AMMECR1: variants seen among roughly 807,000 people sequenced by gnomAD.
AMMECR1 encodes AMMECR nuclear protein 1, also known as nuclear protein AMMECR1.
In AMMECR1, 3 loss-of-function variants were observed where a neutral mutation model predicts 22.5. That is an observed-to-expected ratio of 0.13 (90% CI 0.06 to 0.35). The LOEUF is 0.35. Among genes scored for constraint, AMMECR1 ranks in the 10% least tolerant of loss-of-function variants. AMMECR1 has a pLI of 1.00. For missense variants in AMMECR1, 235 were observed against 278.7 expected (o/e 0.84, Z 1.12); for synonymous variants, 130 against 116.7 (o/e 1.11, Z -0.74).
intron 2 of AMMECR1, among the ~76,000 whole-genome samples, chrX:110,362,205 G>C (rs1368897413): frequency 9.0e-6 from 1 of 111,444 alleles, no homozygotes; most frequent in African/African-American, 3.3e-5. Context: ...GCTTTGGATG[G>C]GTTTGCAGCA....
intron 3 of AMMECR1, among the ~76,000 whole-genome samples, chrX:110,208,854 T>C (rs1373380128): frequency 9.0e-6 from 1 of 111,570 alleles, no homozygotes; most frequent in Non-Finnish European, 1.9e-5. Context: ...TTCTCTGTAA[T>C]GATTAATTAT....
chrX:110,198,689 A>G, intron 5 of AMMECR1, 55 bp from the exon 6 acceptor site: 1 of 837,428 alleles, frequency 1.2e-6, no homozygotes, highest in Non-Finnish European at 1.8e-6. Context: ...GTGACATGCC[A>G]TTGTCACTGC....
rs774494023 is a variant in AMMECR1 at position 110,395,255 on chromosome X, GAT to G, written c.-148+31401_-148+31402del. 4.5e-5 allele frequency among the ~76,000 whole-genome samples: 5 copies of G among 111,973 alleles called. No individual in the cohort carries two copies. The East Asian group carries it at 1.4e-3, about 31-fold the overall frequency. ...CCTAACCTAGTGGGGAGATGAATCT[GAT>G]CTTTTGTCTCAAAGCCCACATTAAA... is the stretch of plus-strand genomic sequence containing the variant. On this transcript the variant is annotated intron_variant, in intron 2 of 7. Coordinates refer to the AMMECR1 transcript ENST00000372057.
At chrX:110,281,010 C>T (rs2067849585) in intron 1 of AMMECR1, among the ~76,000 whole-genome samples, 1 of 111,730 alleles carries the variant, frequency 9.0e-6, no homozygotes, top group South Asian at 3.7e-4. Context: ...TGCATTTTAC[C>T]AAATTGCTTT....
At position 110,195,105 on chromosome X, in the gene AMMECR1, A is replaced by T. The variant is rs1332448342; in HGVS notation, c.*3415T>A. 2.7e-5 allele frequency: 3 copies of T among 112,288 alleles called. No homozygotes were observed. The highest frequency in any genetic ancestry group is 9.7e-5 in the African/African-American group (3 of 30,892). 9.3% of individuals were successfully genotyped at this position (112,288 alleles called of 1,213,427 possible). A position where few individuals can be genotyped will look rare whatever the true frequency, so the allele number is the denominator to read the frequency against. The stretch of plus-strand genomic sequence containing the variant: ...GGGCTTCTTTGGTTTGATCTAACAC[A>T]CATAAGAGATGGAACCTATTCCAGA... On this transcript the variant is annotated 3_prime_UTR_variant, in exon 6 of 6. Coordinates refer to ENST00000262844, the MANE Select transcript of AMMECR1 (RefSeq NM_015365.3).
At chrX:110,243,384 G>C (rs1457924501) in intron 2 of AMMECR1, among the ~76,000 whole-genome samples, 1 of 112,110 alleles carries the variant, frequency 8.9e-6, no homozygotes, top group East Asian at 2.8e-4. Flanking sequence ...AACAACTCTT[G>C]TAAATTGGAA....
chrX:110,231,242 T>C (rs139878051), intron 2 of AMMECR1, among the ~76,000 whole-genome samples: 143 of 111,102 alleles, frequency 1.3e-3, no homozygotes, highest in African/African-American at 4.2e-3. Flanking sequence ...TTCACCAAGG[T>C]TGAAATGAAG....
intron 1 of AMMECR1, among the ~76,000 whole-genome samples, chrX:110,315,557 T>C (rs1272518548): frequency 8.9e-6 from 1 of 112,500 alleles, no homozygotes; most frequent in African/African-American, 3.2e-5. Context: ...GTGGCTACTG[T>C]TAAAATGATA....
chrX:110,364,219 C>A (rs964860493), intron 2 of AMMECR1, among the ~76,000 whole-genome samples: 7 of 111,699 alleles, frequency 6.3e-5, no homozygotes, highest in African/African-American at 2.0e-4. Flanking sequence ...TGTCTCTGTG[C>A]CCTGTCACTT....
At chrX:110,351,166 A>G (rs1437290191) in intron 2 of AMMECR1, among the ~76,000 whole-genome samples, 3 of 111,977 alleles carry the variant, frequency 2.7e-5, no homozygotes, top group Admixed American at 1.9e-4. Flanking sequence ...TTAAGACAGC[A>G]ATACTACTCT....
At chrX:110,354,108 G>T (rs2068221167) in intron 2 of AMMECR1, among the ~76,000 whole-genome samples, 1 of 111,807 alleles carries the variant, frequency 8.9e-6, no homozygotes, top group Non-Finnish European at 1.9e-5. Flanking sequence ...GTGATCTACA[G>T]ATTCAATGAA....
chrX:110,279,044 T>G (rs1346674627), intron 1 of AMMECR1, among the ~76,000 whole-genome samples: 1 of 111,877 alleles, frequency 8.9e-6, no homozygotes, highest in African/African-American at 3.3e-5. Context: ...GAAAACACAA[T>G]TTCCCACAGG....
chrX:110,431,908 T>C (rs751025929), intron 1 of AMMECR1, among the ~76,000 whole-genome samples: 2 of 111,222 alleles, frequency 1.8e-5, no homozygotes, highest in East Asian at 5.7e-4. Flanking sequence ...TAGGTGAGAG[T>C]TGACACTGTC....
chrX:110,289,838 C>T lies in AMMECR1; in HGVS notation c.474-25239G>A, dbSNP rs775143573. On this transcript the variant is annotated intron_variant, in intron 1 of 5. Transcript: ENST00000262844. ...ATCATGAAAACGCTCAAGAAAACAT[C>T]CTGCATGTTACAGCATTCTTATAAT... Among the ~76,000 whole-genome samples, 164 of 111,888 alleles carry T rather than the reference C, an allele frequency of 1.5e-3. 1 individual carries two copies. Among genetic ancestry groups the T allele is most frequent in the African/African-American group, 5.1e-3 (156 of 30,842 alleles).
intron 1 of AMMECR1, among the ~76,000 whole-genome samples, chrX:110,306,020 G>A (rs779998769): frequency 6.4e-5 from 7 of 109,917 alleles, no homozygotes; most frequent in East Asian, 2.9e-4. Context: ...GGTGGCTCAC[G>A]CCTGTAATCC....
intron 2 of AMMECR1, among the ~76,000 whole-genome samples, chrX:110,368,159 C>A (rs1303344561): frequency 9.1e-6 from 1 of 109,894 alleles, no homozygotes; most frequent in Non-Finnish European, 1.9e-5. Context: ...TATTTAGAAT[C>A]TGAACACTTC....
rs921720778 is a variant in AMMECR1, at chrX:110,392,893, G to A, written c.-148+33765C>T. ...TAAAAAGATTTGATGGTATGTATATGTGAGTTTGAGTGTTTGAGCTGGCGT... is the reference window on the plus strand; with the variant it reads ...TAAAAAGATTTGATGGTATGTATATATGAGTTTGAGTGTTTGAGCTGGCGT... On this transcript the variant is annotated intron_variant, in intron 2 of 7. Coordinates refer to the AMMECR1 transcript ENST00000372057. Among the ~76,000 whole-genome samples the A allele has an allele frequency of 6.2e-5, 7 of 112,270 alleles. No individual in the cohort carries two copies. In the East Asian group the frequency reaches 1.9e-3, roughly 31 times the overall value.
At chrX:110,302,158 G>GGTT (rs2067970470) in intron 1 of AMMECR1, among the ~76,000 whole-genome samples, 2 of 111,541 alleles carry the variant, frequency 1.8e-5, no homozygotes, top group South Asian at 7.5e-4. Context: ...AAGAGAAAAA[G>GGTT]ATACCTTCTT....
intron 2 of AMMECR1, among the ~76,000 whole-genome samples, chrX:110,423,663 A>G (rs765339385): frequency 2.1e-3 from 235 of 112,342 alleles, no homozygotes; most frequent in Non-Finnish European, 3.5e-3. Context: ...ACTATTCCAT[A>G]TGTGTCAGGC....
Sources: allele counts gnomAD v4.1 joint callset (sites outside exome capture counted in the v4.1 genomes callset), GRCh38; gene constraint gnomAD v4.1.1; transcripts MANE v1.5; gene names NCBI Gene and HGNC (gene_info 2026-07-23, HGNC 2026-07-21).